Variants in CCSER1 observed in about 807,000 individuals in gnomAD.
The protein encoded by CCSER1 is coiled-coil serine rich protein 1, also known as serine-rich coiled-coil domain-containing protein 1.
CCSER1 carries 41 observed loss-of-function variants against 82.0 expected under a neutral mutation model. The ratio of observed to expected loss-of-function variants is 0.50; its 90% confidence interval spans 0.39 to 0.65. The LOEUF (loss-of-function observed/expected upper bound fraction) is 0.65, where lower values mean the gene tolerates loss of function less well. CCSER1 is among the 30% of genes least tolerant of loss of function. CCSER1 has a pLI of 0.00. For synonymous variants in CCSER1, 414 were observed against 383.9 expected (o/e 1.08, Z -0.92); for missense variants, 1,119 against 1,064.2 (o/e 1.05, Z -0.72).
intron 8 of CCSER1, among the ~76,000 whole-genome samples, chr4:90,900,487 T>C (rs1724471189): frequency 6.6e-6 from 1 of 152,066 alleles, no homozygotes; most frequent in Non-Finnish European, 1.5e-5. Context: ...GAAGTGTTTG[T>C]ATGTTGTGTC....
chr4:91,201,437 G>A (rs979240704), intron 10 of CCSER1, among the ~76,000 whole-genome samples: 1 of 151,902 alleles, frequency 6.6e-6, no homozygotes, highest in African/African-American at 2.4e-5. Flanking sequence ...TTGAAGGCTG[G>A]GTCACACAAC....
intron 5 of CCSER1, among the ~76,000 whole-genome samples, chr4:90,555,293 T>C (rs1417261635): frequency 6.6e-6 from 1 of 152,108 alleles, no homozygotes; most frequent in African/African-American, 2.4e-5. Context: ...GAAAACCCAG[T>C]AGTAGAATAA....
intron 1 of CCSER1, among the ~76,000 whole-genome samples, chr4:90,277,395 C>G (rs1017161818): frequency 6.6e-6 from 1 of 152,118 alleles, no homozygotes; most frequent in African/African-American, 2.4e-5. Context: ...CACACATTAC[C>G]TGTCTTCAAA....
chr4:90,568,325 C>T (rs1301015210), intron 5 of CCSER1, among the ~76,000 whole-genome samples: 1 of 152,162 alleles, frequency 6.6e-6, no homozygotes, highest in Non-Finnish European at 1.5e-5. Context: ...TTAACATTCG[C>T]TTTATATGTT....
At chr4:91,332,564 A>C (rs1747030151) in intron 10 of CCSER1, among the ~76,000 whole-genome samples, 2 of 151,014 alleles carry the variant, frequency 1.3e-5, no homozygotes, top group African/African-American at 4.9e-5. Flanking sequence ...AAATTCCATA[A>C]CTTTCAGATA....
intron 8 of CCSER1, among the ~76,000 whole-genome samples, chr4:90,885,422 C>G (rs952338152): frequency 1.3e-5 from 2 of 152,140 alleles, no homozygotes; most frequent in Non-Finnish European, 2.9e-5. Flanking sequence ...ATTTATGATA[C>G]AGAATTTCTG....
chr4:90,415,114 A>AG (rs72167419), intron 4 of CCSER1, among the ~76,000 whole-genome samples: 2,705 of 152,342 alleles, frequency 0.018, 47 homozygotes, highest in African/African-American at 0.036. Context: ...AAGAAAGAAA[A>AG]TCAGTTGAAA....
chr4:90,810,708 A>G (rs1758148860), intron 7 of CCSER1, among the ~76,000 whole-genome samples: 1 of 152,204 alleles, frequency 6.6e-6, no homozygotes, highest in Non-Finnish European at 1.5e-5. Flanking sequence ...AGGTTGGGGA[A>G]CAAGCAAACA....
intron 1 of CCSER1, among the ~76,000 whole-genome samples, chr4:90,219,696 A>T (rs1024456362): frequency 6.6e-6 from 1 of 152,118 alleles, no homozygotes; most frequent in Non-Finnish European, 1.5e-5. Flanking sequence ...ACTATTGTTC[A>T]GTTTTAGATA....
At chr4:90,621,104 C>T (rs1722239006) in intron 5 of CCSER1, among the ~76,000 whole-genome samples, 1 of 152,182 alleles carries the variant, frequency 6.6e-6, no homozygotes, top group African/African-American at 2.4e-5. Flanking sequence ...CAGGTGTGAG[C>T]CACCCTGCCC....
At chr4:90,383,914 T>A (rs953645386) in intron 3 of CCSER1, among the ~76,000 whole-genome samples, 1 of 151,718 alleles carries the variant, frequency 6.6e-6, no homozygotes, top group Non-Finnish European at 1.5e-5. Flanking sequence ...CTATTTTAAA[T>A]TTTTTATTTA....
At chr4:90,809,512 T>C (rs1488116554) in intron 7 of CCSER1, among the ~76,000 whole-genome samples, 1 of 152,036 alleles carries the variant, frequency 6.6e-6, no homozygotes, top group Admixed American at 6.6e-5. Context: ...AGTGATATAA[T>C]AGACACTGGA....
At chr4:90,690,868 A>G (rs1356902402) in intron 6 of CCSER1, among the ~76,000 whole-genome samples, 4 of 152,062 alleles carry the variant, frequency 2.6e-5, no homozygotes, top group Non-Finnish European at 5.9e-5. Context: ...ACAAAGTTGT[A>G]TGCTTTTATC....
rs1425485502 is a variant in CCSER1 at position 91,314,931 on chromosome 4, G to A, written c.2217+228937G>A. On this transcript the variant is annotated intron_variant, in intron 10 of 10. Transcript: ENST00000509176. The stretch of plus-strand genomic sequence containing the variant: ...TTGTAGGTAAGCTAAGGATACTATT[G>A]TAGAGGAGTGGGAAAGTGAGAGAGT... Among the ~76,000 whole-genome samples the A allele has an allele frequency of 2.0e-5, 3 of 151,880 alleles. No individual in the cohort carries two copies. The East Asian group carries it at 5.8e-4, about 29-fold the overall frequency.
intron 10 of CCSER1, among the ~76,000 whole-genome samples, chr4:91,201,236 A>G (rs763249152): frequency 2.0e-5 from 3 of 152,210 alleles, no homozygotes; most frequent in East Asian, 1.9e-4. Context: ...TTACTATTTA[A>G]TAGTACTGGA....
At chr4:90,495,868 G>A (rs1370531602) in intron 5 of CCSER1, among the ~76,000 whole-genome samples, 1 of 152,128 alleles carries the variant, frequency 6.6e-6, no homozygotes, top group Non-Finnish European at 1.5e-5. Context: ...GCAGGGAGGA[G>A]GAGGAGGAAT....
intron 10 of CCSER1, among the ~76,000 whole-genome samples, chr4:91,162,415 G>C (rs1035263587): frequency 6.6e-6 from 1 of 152,134 alleles, no homozygotes; most frequent in Non-Finnish European, 1.5e-5. Context: ...GCTCTGTCAG[G>C]CTTTGGTATC....
At chr4:90,442,984 T>C (rs1760124102) in intron 4 of CCSER1, among the ~76,000 whole-genome samples, 1 of 152,150 alleles carries the variant, frequency 6.6e-6, no homozygotes, top group African/African-American at 2.4e-5. Context: ...AGTCCCCCAG[T>C]AGATGTCTGA....
intron 10 of CCSER1, among the ~76,000 whole-genome samples, chr4:91,353,087 A>G (rs1201745530): frequency 6.6e-6 from 1 of 152,208 alleles, no homozygotes; most frequent in African/African-American, 2.4e-5. Context: ...AGACAGCAGG[A>G]CAGCAAATGC....
Sources: gnomAD v4.1 joint callset for allele counts (sites outside exome capture counted in the v4.1 genomes callset) on GRCh38, gnomAD v4.1.1 for gene constraint, MANE v1.5 for transcripts, NCBI Gene and HGNC (gene_info 2026-07-23, HGNC 2026-07-21) for gene names.